RAB3C: variants seen among roughly 807,000 people sequenced by gnomAD.
The protein encoded by RAB3C is RAB3C, member RAS oncogene family.
RAB3C carries 17 observed loss-of-function variants against 26.4 expected under a neutral mutation model. That is an observed-to-expected ratio of 0.64 (90% CI 0.44 to 0.97). The LOEUF (loss-of-function observed/expected upper bound fraction) is 0.97. RAB3C is among the 50% of genes least tolerant of loss of function. RAB3C has a pLI of 0.00. For synonymous variants in RAB3C, 91 were observed against 95.9 expected (o/e 0.95, Z 0.30); for missense variants, 242 against 281.9 (o/e 0.86, Z 1.01).
intron 4 of RAB3C, among the ~76,000 whole-genome samples, chr5:58,845,438 A>AC (rs1743966400): frequency 6.6e-6 from 1 of 151,632 alleles, no homozygotes; most frequent in Admixed American, 6.6e-5. Flanking sequence ...TTAGATTTAA[A>AC]CACCTGTAAG....
intron 2 of RAB3C, among the ~76,000 whole-genome samples, chr5:58,724,683 CA>C (rs936753814): frequency 7.3e-5 from 11 of 149,988 alleles, no homozygotes; most frequent in African/African-American, 2.4e-4. Context: ...GGTTCTTTAC[CA>C]AAAAAAGAAT....
At chr5:58,781,765 C>CT (rs1391790168) in intron 3 of RAB3C, among the ~76,000 whole-genome samples, 13 of 152,056 alleles carry the variant, frequency 8.5e-5, no homozygotes, top group Non-Finnish European at 1.5e-5. Flanking sequence ...CTCTCTTTAT[C>CT]TGGGCCACTG....
chr5:58,806,860 C>T (rs1742952191), intron 3 of RAB3C, among the ~76,000 whole-genome samples: 1 of 152,190 alleles, frequency 6.6e-6, no homozygotes, highest in African/African-American at 2.4e-5. Flanking sequence ...AGCCTACACC[C>T]ACTCAAATAA....
At chr5:58,796,687 C>G (rs1742658169) in intron 3 of RAB3C, among the ~76,000 whole-genome samples, 1 of 152,190 alleles carries the variant, frequency 6.6e-6, no homozygotes, top group Non-Finnish European at 1.5e-5. Flanking sequence ...GAGTATCTAT[C>G]TCCGGTGAGT....
Position 58,745,392 on chromosome 5 carries a change from C to CAAAAAAAAAAA in RAB3C, c.371+19289_371+19299dup, listed in dbSNP as rs1173604247. On this transcript the variant is annotated intron_variant, in intron 3 of 4. Coordinates refer to ENST00000282878, the MANE Select transcript of RAB3C (RefSeq NM_138453.4). ...GCCTGGGCTGAGCGAGACTCTGCTT[C>CAAAAAAAAAAA]AAAAAAAAAAAAAAAAAAAAAAAAA... Among the ~76,000 whole-genome samples, 18 of 33,108 alleles carry CAAAAAAAAAAA rather than the reference C, an allele frequency of 5.4e-4. 1 individual carries two copies. The highest frequency in any genetic ancestry group is 1.5e-3 in the African/African-American group (16 of 10,758). The allele number at this position is 33,108 out of a possible 152,430, so 21.7% of individuals were successfully genotyped here. A position where few individuals can be genotyped will look rare whatever the true frequency, so the allele number is the denominator to read the frequency against.
At chr5:58,663,230 A>G (rs879863392) in intron 2 of RAB3C, among the ~76,000 whole-genome samples, 3 of 150,078 alleles carry the variant, frequency 2.0e-5, no homozygotes, top group Admixed American at 2.0e-4. Flanking sequence ...AGAGAATTAA[A>G]ATATTCAAAT....
chr5:58,609,266 G>A (rs1236260708), intron 1 of RAB3C, among the ~76,000 whole-genome samples: 1 of 152,116 alleles, frequency 6.6e-6, no homozygotes, highest in Non-Finnish European at 1.5e-5. Context: ...AATTCCAGGG[G>A]GTGCCAGTCT....
chr5:58,792,813 A>G (rs1181883259), intron 3 of RAB3C, among the ~76,000 whole-genome samples: 1 of 152,072 alleles, frequency 6.6e-6, no homozygotes, highest in East Asian at 1.9e-4. Context: ...TTGTGTATAT[A>G]TACACACACA....
intron 2 of RAB3C, among the ~76,000 whole-genome samples, chr5:58,666,227 T>C (rs1226608744): frequency 6.6e-6 from 1 of 152,200 alleles, no homozygotes; most frequent in Non-Finnish European, 1.5e-5. Context: ...CAACACAATA[T>C]AATTGGCTTT....
intron 2 of RAB3C, among the ~76,000 whole-genome samples, chr5:58,717,784 G>T (rs1291480641): frequency 6.6e-6 from 1 of 152,008 alleles, no homozygotes; most frequent in African/African-American, 2.4e-5. Flanking sequence ...CTTCTCCACT[G>T]CCTCCCCTTC....
At chr5:58,659,645 C>A (rs943865746) in intron 2 of RAB3C, among the ~76,000 whole-genome samples, 9 of 152,174 alleles carry the variant, frequency 5.9e-5, no homozygotes, top group Non-Finnish European at 1.0e-4. Context: ...TAGAACCAAG[C>A]TTCATTTCCC....
At chr5:58,583,563 G>A (rs1053217840) in intron 1 of RAB3C, among the ~76,000 whole-genome samples, 1 of 152,154 alleles carries the variant, frequency 6.6e-6, no homozygotes, top group African/African-American at 2.4e-5. Flanking sequence ...CTTGGCATCC[G>A]GGGTTTGAGA....
At chr5:58,841,016 G>C (rs773879508) in intron 4 of RAB3C, among the ~76,000 whole-genome samples, 9 of 152,178 alleles carry the variant, frequency 5.9e-5, no homozygotes, top group Non-Finnish European at 1.2e-4. Flanking sequence ...TTGGCCTGGG[G>C]GTATGCCCAC....
At chr5:58,664,274 G>T (rs533517601) in intron 2 of RAB3C, among the ~76,000 whole-genome samples, 7 of 151,934 alleles carry the variant, frequency 4.6e-5, no homozygotes, top group Non-Finnish European at 7.4e-5. Flanking sequence ...CCATACTATC[G>T]AATACAACTG....
At chr5:58,786,764 C>T (rs934323640) in intron 3 of RAB3C, among the ~76,000 whole-genome samples, 3 of 151,228 alleles carry the variant, frequency 2.0e-5, no homozygotes, top group African/African-American at 7.3e-5. Context: ...GAACATGATT[C>T]AGTTTGTCAA....
chr5:58,604,977 G>A (rs946090511), intron 1 of RAB3C, among the ~76,000 whole-genome samples: 11 of 152,126 alleles, frequency 7.2e-5, no homozygotes, highest in African/African-American at 1.4e-4. Context: ...CAGAGAGCTC[G>A]CAGGGCCTTT....
intron 2 of RAB3C, among the ~76,000 whole-genome samples, chr5:58,671,194 T>A (rs1280864497): frequency 6.6e-6 from 1 of 152,086 alleles, no homozygotes; most frequent in Non-Finnish European, 1.5e-5. Context: ...CTGAGATGTA[T>A]CAATACCAGG....
chr5:58,689,855 G>A lies in RAB3C; in HGVS notation c.253-36147G>A, dbSNP rs866964545. ...TGACTATTAAAGTACACTGCTTAGT[G>A]TTAAGTGGTATAATAGACAAACTGT... On this transcript the variant is annotated intron_variant, in intron 2 of 4. Transcript: ENST00000282878. Among the ~76,000 whole-genome samples the A allele has an allele frequency of 2.6e-5, 4 of 152,222 alleles. No individual in the cohort carries two copies. The South Asian group carries it at 6.2e-4, about 24-fold the overall frequency.
At position 58,736,524 on chromosome 5, in the gene RAB3C, C is replaced by T. The variant is rs538821146; in HGVS notation, c.371+10404C>T. ...GAGTATACTTCGGCTTTGCAATAAA[C>T]CTCTTCACCTACTCTTACTTTGGAC... On this transcript the variant is annotated intron_variant, in intron 3 of 4. Transcript: ENST00000282878. Among the ~76,000 whole-genome samples the T allele has an allele frequency of 2.8e-4, 43 of 152,338 alleles. No individual in the cohort carries two copies. The South Asian group carries it at 8.7e-3, about 31-fold the overall frequency.
Sources: gnomAD v4.1 joint callset for allele counts (sites outside exome capture counted in the v4.1 genomes callset) on GRCh38, gnomAD v4.1.1 for gene constraint, MANE v1.5 for transcripts, NCBI Gene and HGNC (gene_info 2026-07-23, HGNC 2026-07-21) for gene names.